MXRA7: variants seen among roughly 807,000 people sequenced by gnomAD.
The protein encoded by MXRA7 is matrix remodeling associated 7, also known as matrix-remodeling-associated protein 7.
MXRA7 carries 18 observed loss-of-function variants against 17.4 expected under a neutral mutation model. That is an observed-to-expected ratio of 1.03 (90% CI 0.71 to 1.53). The LOEUF is 1.53. Ranked by LOEUF, MXRA7 falls within the 40% of genes most tolerant of loss-of-function variation. The pLI is 0.00. For missense variants in MXRA7, 141 were observed against 209.3 expected (o/e 0.67, Z 2.01); for synonymous variants, 70 against 101.7 (o/e 0.69, Z 1.87).
intron 1 of MXRA7, 140 bp downstream of exon 1, chr17:76,710,465 C>T: frequency 1.5e-6 from 1 of 680,214 alleles, no homozygotes. Flanking sequence ...ACCTGCATTT[C>T]CTGCGGGCCG....
exon 4 of MXRA7, chr17:76,673,607 T>A (rs141966502): frequency 5.6e-4 from 85 of 152,276 alleles, no homozygotes; most frequent in Non-Finnish European, 9.0e-4. Context: ...TATCAGGCTC[T>A]AAGTACAGGC....
intron 1 of MXRA7, chr17:76,688,422 C>G (rs780717923): frequency 7.3e-7 from 1 of 1,370,082 alleles, no homozygotes; most frequent in Non-Finnish European, 9.4e-7. Flanking sequence ...CCCAAGCCCT[C>G]GGCCTTGGCC....
At chr17:76,697,003 T>C (rs540766410) in intron 1 of MXRA7, among the ~76,000 whole-genome samples, 29 of 152,320 alleles carry the variant, frequency 1.9e-4, no homozygotes, top group African/African-American at 6.5e-4. Context: ...TTCCTGTCCA[T>C]GCCCTTGGTC....
At chr17:76,702,719 G>A (rs112261162) in intron 1 of MXRA7, among the ~76,000 whole-genome samples, 48 of 151,856 alleles carry the variant, frequency 3.2e-4, no homozygotes, top group African/African-American at 1.1e-3. Context: ...GGGTGTGGTG[G>A]TAGGTGCCTG....
chr17:76,704,534 C>T (rs1386549961), intron 1 of MXRA7, among the ~76,000 whole-genome samples: 2 of 149,814 alleles, frequency 1.3e-5, no homozygotes, highest in South Asian at 2.1e-4. Flanking sequence ...CCTGTAATCC[C>T]AGCACTTTGG....
rs1342387979 is a variant in MXRA7, at chr17:76,681,367, CT to C, written c.501-489del. ...TATGAACCAAGACACACTGCCAGCCCTGGGACCACTGAGAACCCAGCAGGTC... is the reference window on the plus strand; with the variant it reads ...TATGAACCAAGACACACTGCCAGCCCGGGACCACTGAGAACCCAGCAGGTC... On this transcript the variant is annotated intron_variant, in intron 3 of 3. Transcript: ENST00000449428. This position sits in a 1 kb window ranked among gnomAD's most constrained non-coding sequence, Gnocchi z 4.7. 1.3e-5 allele frequency among the ~76,000 whole-genome samples: 2 copies of C among 152,164 alleles called. No homozygotes were observed.
chr17:76,707,417 T>C (rs2076674920), intron 1 of MXRA7, among the ~76,000 whole-genome samples: 1 of 150,466 alleles, frequency 6.6e-6, no homozygotes, highest in South Asian at 2.1e-4. Flanking sequence ...GTGATTCTCC[T>C]GCCTCAGTTT....
At chr17:76,682,319 C>T (rs1434440440) in intron 3 of MXRA7, among the ~76,000 whole-genome samples, 1 of 151,968 alleles carries the variant, frequency 6.6e-6, no homozygotes, top group Non-Finnish European at 1.5e-5. Flanking sequence ...TCGACTGGAC[C>T]CTGAGAGCTG....
At chr17:76,693,870 C>G (rs753077447) in intron 1 of MXRA7, among the ~76,000 whole-genome samples, 1 of 152,154 alleles carries the variant, frequency 6.6e-6, no homozygotes, top group African/African-American at 2.4e-5. Flanking sequence ...AACAACACAA[C>G]AAAAAACTTC....
rs1305424206 is a variant in MXRA7, at chr17:76,685,127, T to C, written c.445A>G (p.Arg149Gly). Residue 149 changes from arginine (R) to glycine (G), a missense_variant, in exon 3 of 4, where the codon AGG becomes GGG. Transcript: ENST00000449428. ...ATCATCTTCTTGTACTGGTTTCCCC[T>C]CAGCTTCCCGGGGCTGTATTTGAAG... ...FSFKYSPGKL[R>G]GNQYKKMMTK... 1 of 1,613,982 alleles carries C rather than the reference T, an allele frequency of 6.2e-7. No individual in the cohort carries two copies. Among genetic ancestry groups the C allele is most frequent in the South Asian group, 1.1e-5 (1 of 91,078 alleles).
At chr17:76,674,938 G>A (rs150748435), downstream of MXRA7, 3 of 152,232 alleles carry the variant, frequency 2.0e-5, no homozygotes, top group Non-Finnish European at 2.9e-5. Context: ...ACCATGAGGA[G>A]AGCTAGTCTC....
chr17:76,701,348 G>A (rs2076588834), intron 1 of MXRA7, among the ~76,000 whole-genome samples: 1 of 148,242 alleles, frequency 6.7e-6, no homozygotes, highest in South Asian at 2.2e-4. Flanking sequence ...GGTCTGAGCA[G>A]CTGAGCGTCG....
intron 1 of MXRA7, among the ~76,000 whole-genome samples, chr17:76,699,618 G>A (rs28615790): frequency 0.4 from 60,246 of 151,970 alleles, 12,815 homozygotes; most frequent in Middle Eastern, 0.51. Context: ...CTCTCTCCTC[G>A]ATGGCTAAGA....
chr17:76,682,142 G>T (rs1185033265), intron 3 of MXRA7, among the ~76,000 whole-genome samples: 1 of 152,156 alleles, frequency 6.6e-6, no homozygotes, highest in Non-Finnish European at 1.5e-5. Context: ...ACTAATTGGG[G>T]GCCTTCTGCT....
chr17:76,680,329 C>G lies in MXRA7; in HGVS notation c.*538G>C. 1 of 985,440 alleles carries G rather than the reference C, an allele frequency of 1.0e-6. No individual in the cohort carries two copies. Among genetic ancestry groups the G allele is most frequent in the Non-Finnish European group, 1.2e-6 (1 of 830,032 alleles). The allele number at this position is 985,440 out of a possible 1,614,324, so 61.0% of individuals were successfully genotyped here. A position where few individuals can be genotyped will look rare whatever the true frequency, so the allele number is the denominator to read the frequency against. ...TGTAATCAATATGGCATCTCACCCC[C>G]GACAACCAAGCCAGCCACAGAGAGA... On this transcript the variant is annotated 3_prime_UTR_variant, in exon 4 of 4. Coordinates refer to ENST00000449428, the MANE Select transcript of MXRA7 (RefSeq NM_198530.4).
chr17:76,692,812 G>A (rs1440598267), intron 1 of MXRA7, among the ~76,000 whole-genome samples: 2 of 152,094 alleles, frequency 1.3e-5, no homozygotes, highest in East Asian at 3.9e-4. Context: ...GCTATACATG[G>A]CTCTAGTTGT....
At chr17:76,703,529 A>ACTC (rs1393213514) in intron 1 of MXRA7, 3 of 152,206 alleles carry the variant, frequency 2.0e-5, no homozygotes, top group Admixed American at 6.5e-5. Flanking sequence ...CTGAGGTAGG[A>ACTC]GGATGGCTTG....
intron 1 of MXRA7, chr17:76,703,815 G>C (rs1042995740): frequency 6.6e-6 from 1 of 151,888 alleles, no homozygotes; most frequent in African/African-American, 2.4e-5. Flanking sequence ...ACTTCTGTAA[G>C]TTCTATGGCA....
At chr17:76,698,118 A>C (rs2076552649) in intron 1 of MXRA7, among the ~76,000 whole-genome samples, 1 of 152,218 alleles carries the variant, frequency 6.6e-6, no homozygotes, top group South Asian at 2.1e-4. Context: ...TGGCTAATCC[A>C]GAATGACTTT....
Sources: allele counts gnomAD v4.1 joint callset (sites outside exome capture counted in the v4.1 genomes callset), GRCh38; gene constraint gnomAD v4.1.1; non-coding constraint Gnocchi (gnomAD v3.1); transcripts MANE v1.5; gene names NCBI Gene and HGNC (gene_info 2026-07-23, HGNC 2026-07-21).